The following KCNQ3 variants were observed in gnomAD, a reference collection of about 807,000 sequenced individuals.
KCNQ3 encodes potassium voltage-gated channel subfamily KQT member 3.
A neutral mutation model predicts 92.5 loss-of-function variants in KCNQ3; 30 were observed. The observed-to-expected ratio is 0.32, with a 90% confidence interval of 0.24 to 0.44. The LOEUF (loss-of-function observed/expected upper bound fraction) is 0.44. KCNQ3 is among the 20% of genes least tolerant of loss of function. The probability of loss-of-function intolerance (pLI) is 1.00; values close to 1 mark genes in which losing one functional copy is unlikely to be tolerated. For missense variants in KCNQ3, 913 were observed against 1,140.3 expected, an observed-to-expected ratio of 0.80 and a Z score of 2.87; for synonymous variants, 450 against 468.8, an observed-to-expected ratio of 0.96 and a Z score of 0.52.
intron 1 of KCNQ3, among the ~76,000 whole-genome samples, chr8:132,260,000 A>G (rs1275146100): frequency 1.3e-5 from 2 of 152,202 alleles, no homozygotes; most frequent in Non-Finnish European, 2.9e-5. Flanking sequence ...TAACTTTTAA[A>G]AAGTTAAATA....
In KCNQ3 at chr8:132,449,092, G is replaced by A. The variant is rs1425893452; in HGVS notation, c.386+31055C>T. 3.9e-5 allele frequency among the ~76,000 whole-genome samples: 6 copies of A among 152,170 alleles called. 1 individual carries two copies. In the East Asian group the frequency reaches 1.2e-3, roughly 29 times the overall value. Reference sequence around the variant, plus strand: ...GAGCATGTTCTTCAGCTACGATGTGGGGATAATGAAATTCAGTTTAACAGT... The same window carrying A: ...GAGCATGTTCTTCAGCTACGATGTGAGGATAATGAAATTCAGTTTAACAGT... On this transcript the variant is annotated intron_variant, in intron 1 of 14. Transcript: ENST00000388996.
At chr8:132,455,955 C>A (rs1821928881) in intron 1 of KCNQ3, among the ~76,000 whole-genome samples, 1 of 151,978 alleles carries the variant, frequency 6.6e-6, no homozygotes, top group Non-Finnish European at 1.5e-5. Context: ...CCGTGTTAGC[C>A]AGGATGGTCT....
At chr8:132,306,099 C>T (rs1404806174) in intron 1 of KCNQ3, among the ~76,000 whole-genome samples, 3 of 152,122 alleles carry the variant, frequency 2.0e-5, no homozygotes, top group African/African-American at 7.2e-5. Flanking sequence ...CCATGTCAAT[C>T]CATGTTTAGT....
chr8:132,165,066 A>G (rs567110788), intron 8 of KCNQ3, among the ~76,000 whole-genome samples: 4 of 152,066 alleles, frequency 2.6e-5, no homozygotes, highest in South Asian at 4.2e-4. Context: ...ATCCTTCTCT[A>G]CTAGACCCTT....
At chr8:132,354,253 A>G (rs930897) in intron 1 of KCNQ3, among the ~76,000 whole-genome samples, 51,966 of 151,936 alleles carry the variant, frequency 0.34, 9,864 homozygotes, top group African/African-American at 0.5. Context: ...TCAATCATTT[A>G]TTTTCAGGGT....
intron 1 of KCNQ3, among the ~76,000 whole-genome samples, chr8:132,334,880 A>T (rs1818323074): frequency 6.6e-6 from 1 of 152,066 alleles, no homozygotes; most frequent in Non-Finnish European, 1.5e-5. Context: ...GGGTCATACA[A>T]CAGCCCCCAC....
chr8:132,331,421 G>A (rs1818225073), intron 1 of KCNQ3, among the ~76,000 whole-genome samples: 1 of 152,174 alleles, frequency 6.6e-6, no homozygotes, highest in Non-Finnish European at 1.5e-5. Context: ...TGAGACTCAG[G>A]GGTGCCCTCA....
At chr8:132,274,319 C>T (rs1285370881) in intron 1 of KCNQ3, among the ~76,000 whole-genome samples, 1 of 152,156 alleles carries the variant, frequency 6.6e-6, no homozygotes, top group Non-Finnish European at 1.5e-5. Flanking sequence ...TTAAAATCTT[C>T]AGATCTCGTG....
At chr8:132,164,808 A>G (rs967508052) in intron 8 of KCNQ3, among the ~76,000 whole-genome samples, 35 of 152,140 alleles carry the variant, frequency 2.3e-4, no homozygotes, top group African/African-American at 8.2e-4. Flanking sequence ...CTCCACGATG[A>G]GTATTTCATG....
chr8:132,432,033 T>C (rs996978902), intron 1 of KCNQ3, among the ~76,000 whole-genome samples: 2 of 152,244 alleles, frequency 1.3e-5, no homozygotes, highest in Non-Finnish European at 2.9e-5. Flanking sequence ...AGGGTTGTTA[T>C]GAGGGATCAT....
At chr8:132,319,081 A>G (rs1393966125) in intron 1 of KCNQ3, among the ~76,000 whole-genome samples, 2 of 152,228 alleles carry the variant, frequency 1.3e-5, no homozygotes, top group East Asian at 3.8e-4. Context: ...GCAAGGCAAT[A>G]CAGAACTTGG....
chr8:132,186,559 C>T (rs554633069), intron 1 of KCNQ3: 86 of 366,692 alleles, frequency 2.3e-4, no homozygotes, highest in South Asian at 1.7e-3. Flanking sequence ...ATGTGTTCTA[C>T]ACACATAGGA....
intron 1 of KCNQ3, among the ~76,000 whole-genome samples, chr8:132,241,872 G>A (rs1045136371): frequency 6.6e-6 from 1 of 152,098 alleles, no homozygotes; most frequent in African/African-American, 2.4e-5. Flanking sequence ...AAAAAACACT[G>A]AGTGGTAGAA....
chr8:132,230,155 G>A (rs917194042), intron 1 of KCNQ3, among the ~76,000 whole-genome samples: 1 of 152,088 alleles, frequency 6.6e-6, no homozygotes, highest in Non-Finnish European at 1.5e-5. Flanking sequence ...TCTCCCAAAG[G>A]CTGCCTCCAA....
At chr8:132,208,392 T>A (rs184162571) in intron 1 of KCNQ3, among the ~76,000 whole-genome samples, 1 of 151,966 alleles carries the variant, frequency 6.6e-6, no homozygotes, top group Non-Finnish European at 1.5e-5. Context: ...GACCCCTAAG[T>A]TAAGGCTAGT....
At chr8:132,341,387 C>T (rs1457689385) in intron 1 of KCNQ3, among the ~76,000 whole-genome samples, 3 of 152,160 alleles carry the variant, frequency 2.0e-5, no homozygotes, top group Non-Finnish European at 4.4e-5. Context: ...AGTCAAATGT[C>T]CCCTCTTTCT....
In KCNQ3 at chr8:132,320,124, C is replaced by G. The variant is rs146642660; in HGVS notation, c.387-133943G>C. Among the ~76,000 whole-genome samples the G allele has an allele frequency of 1.0e-3, 155 of 152,302 alleles. 5 individuals carry two copies. In the East Asian group the frequency reaches 0.026, roughly 25 times the overall value. ...ATTTGGAAAGTAGTTCTTTGGGAAA[C>G]TGGTATGTGGTTGGATTTGTACAGT... On this transcript the variant is annotated intron_variant, in intron 1 of 14. Transcript: ENST00000388996.
At chr8:132,435,173 C>T (rs1478558004) in intron 1 of KCNQ3, among the ~76,000 whole-genome samples, 2 of 152,182 alleles carry the variant, frequency 1.3e-5, no homozygotes, top group South Asian at 2.1e-4. Flanking sequence ...ATGCCCAGGA[C>T]CTCCTGGACC....
At chr8:132,141,072 G>T in intron 10 of KCNQ3, 57 bp downstream of exon 10, 2 of 1,503,682 alleles carry the variant, frequency 1.3e-6, no homozygotes, top group Non-Finnish European at 1.9e-6. Context: ...GAGGAAGGAA[G>T]TGGACTTGGG....
Sources: gnomAD v4.1 joint callset for allele counts (sites outside exome capture counted in the v4.1 genomes callset) on GRCh38, gnomAD v4.1.1 for gene constraint, MANE v1.5 for transcripts, NCBI Gene and HGNC (gene_info 2026-07-23, HGNC 2026-07-21) for gene names.